Variants in LIMD1 observed in about 807,000 individuals in gnomAD.
LIMD1 encodes the protein LIM domain-containing protein 1.
A neutral mutation model predicts 58.4 loss-of-function variants in LIMD1; 23 were observed. The observed-to-expected ratio is 0.39, with a 90% CI of 0.28 to 0.56. LIMD1 has a LOEUF of 0.56. LIMD1 is among the 20% of genes least tolerant of loss of function. The pLI, the probability that LIMD1 is intolerant of heterozygous loss-of-function variation, is 0.57. For missense variants in LIMD1, 838 were observed against 855.5 expected, an observed-to-expected ratio of 0.98 and a Z score of 0.25; for synonymous variants, 334 against 345.5, an observed-to-expected ratio of 0.97 and a Z score of 0.37.
intron 4 of LIMD1, among the ~76,000 whole-genome samples, chr3:45,670,779 G>A (rs1307950444): frequency 1.3e-5 from 2 of 152,204 alleles, no homozygotes; most frequent in Non-Finnish European, 2.9e-5. Flanking sequence ...GGGATAGTAT[G>A]AAGTTGAAGC....
chr3:45,599,390 C>G lies in LIMD1; in HGVS notation c.1408+3103C>G, dbSNP rs374726909. 5.9e-5 allele frequency among the ~76,000 whole-genome samples: 9 copies of G among 152,266 alleles called. No individual in the cohort carries two copies. The East Asian group carries it at 1.5e-3, about 26-fold the overall frequency. On this transcript the variant is annotated intron_variant, in intron 1 of 7. Coordinates refer to ENST00000273317, the MANE Select transcript of LIMD1 (RefSeq NM_014240.3). ...GTGCATTCTGTCCCTATGGCATTTA[C>G]CTATTCTGGAATTTCATTTAGAAAC...
Position 45,594,873 on chromosome 3 carries a change from C to T in LIMD1, c.-7C>T. On this transcript the variant is annotated 5_prime_UTR_variant, in exon 1 of 8. Coordinates refer to ENST00000273317, the MANE Select transcript of LIMD1 (RefSeq NM_014240.3). The stretch of plus-strand genomic sequence containing the variant: ...ACCTGGGCTAGGCCCGGACACCTGT[C>T]TGCAGCATGGATAAGTATGACGACC... 1.9e-6 allele frequency: 3 copies of T among 1,599,156 alleles called. No individual in the cohort carries two copies. Among genetic ancestry groups the T allele is most frequent in the Non-Finnish European group, 2.6e-6 (3 of 1,173,330 alleles).
chr3:45,669,741 T>C (rs1697565746), intron 4 of LIMD1, among the ~76,000 whole-genome samples: 1 of 152,228 alleles, frequency 6.6e-6, no homozygotes, highest in African/African-American at 2.4e-5. Flanking sequence ...TTACCTGTAT[T>C]GGTAGTTTAT....
At chr3:45,600,994 G>T (rs1428831025) in intron 1 of LIMD1, among the ~76,000 whole-genome samples, 1 of 152,196 alleles carries the variant, frequency 6.6e-6, no homozygotes, top group Non-Finnish European at 1.5e-5. Flanking sequence ...AGCCCAGGAG[G>T]CTGAGGCTGC....
At chr3:45,668,832 A>AC (rs1201239656) in intron 4 of LIMD1, among the ~76,000 whole-genome samples, 1 of 151,914 alleles carries the variant, frequency 6.6e-6, no homozygotes, top group African/African-American at 2.4e-5. Context: ...ATTGGAATTA[A>AC]CATCTTTAAC....
In LIMD1 at chr3:45,595,305, G is replaced by C. The variant is rs756887459; in HGVS notation, c.426G>C (p.Arg142Ser). The C allele has an allele frequency of 1.1e-5, 18 of 1,613,316 alleles. No homozygotes were observed. Among genetic ancestry groups the C allele is most frequent in the Admixed American group, 1.7e-5 (1 of 60,018 alleles). Residue 142 changes from arginine (R) to serine (S), a missense_variant, in exon 1 of 8, where the codon AGG becomes AGC. By Grantham distance (110) the Arg-to-Ser change is moderately radical. Coordinates refer to ENST00000273317, the MANE Select transcript of LIMD1 (RefSeq NM_014240.3). Reference protein sequence around the residue: ...QRSRPYLHGTRHGSQDCGSRE... With the variant: ...QRSRPYLHGTSHGSQDCGSRE... ...CCAGGCCATACCTGCATGGCACGAG[G>C]CATGGCAGCCAGGACTGTGGTTCCA...
rs150389206 is a variant in LIMD1 at position 45,606,282 on chromosome 3, C to T, written c.1408+9995C>T. ...TGGCTGCTGAGTTGGAGATTTTGAC[C>T]ACTGTGTTGTGATGCCTCTTAGCTC... is the stretch of plus-strand genomic sequence containing the variant. On this transcript the variant is annotated intron_variant, in intron 1 of 7. Transcript: ENST00000273317. 1.4e-3 allele frequency among the ~76,000 whole-genome samples: 218 copies of T among 152,236 alleles called. 1 individual carries two copies. The highest frequency in any genetic ancestry group is 4.8e-3 in the African/African-American group (201 of 41,538).
chr3:45,601,124 TG>T (rs1414442829), intron 1 of LIMD1, among the ~76,000 whole-genome samples: 1 of 152,140 alleles, frequency 6.6e-6, no homozygotes, highest in Admixed American at 6.5e-5. Context: ...CTGGGTTTCC[TG>T]GGAAGCTGAC....
At chr3:45,610,390 A>C (rs1262674732) in intron 1 of LIMD1, among the ~76,000 whole-genome samples, 1 of 152,142 alleles carries the variant, frequency 6.6e-6, no homozygotes, top group African/African-American at 2.4e-5. Flanking sequence ...TACTCAGATG[A>C]GCGCTCTCAT....
At position 45,673,297 on chromosome 3, in the gene LIMD1, C is replaced by G. The variant is rs553791343; in HGVS notation, c.1773-157C>G. On this transcript the variant is annotated intron_variant, in intron 5 of 7. Coordinates refer to ENST00000273317, the MANE Select transcript of LIMD1 (RefSeq NM_014240.3). ...TGGGGAGCAAATACTAAGGCATATT[C>G]CACAAAGTGAGCCAGGTACCAGTCA... Among the ~76,000 whole-genome samples, 64 of 152,278 alleles carry G rather than the reference C, an allele frequency of 4.2e-4. No homozygotes were observed. The South Asian group carries it at 0.012, about 29-fold the overall frequency.
At position 45,604,006 on chromosome 3, in the gene LIMD1, G is replaced by C. The variant is rs184020264; in HGVS notation, c.1408+7719G>C. On this transcript the variant is annotated intron_variant, in intron 1 of 7. Transcript: ENST00000273317. ...GTACAGTCACCACCAAGTGTCCAAG[G>C]ATCAGCTGTCTGATTTCTGATAGCA... Among the ~76,000 whole-genome samples, 3 of 152,280 alleles carry C rather than the reference G, an allele frequency of 2.0e-5. No individual in the cohort carries two copies. In the East Asian group the frequency reaches 5.8e-4, roughly 29 times the overall value.
At chr3:45,629,199 G>A (rs1055158651) in intron 1 of LIMD1, among the ~76,000 whole-genome samples, 1 of 152,014 alleles carries the variant, frequency 6.6e-6, no homozygotes, top group African/African-American at 2.4e-5. Flanking sequence ...AGATCATGAG[G>A]TCAGGAGTTC....
intron 2 of LIMD1, among the ~76,000 whole-genome samples, chr3:45,662,141 C>T (rs910178320): frequency 3.3e-5 from 5 of 152,164 alleles, no homozygotes; most frequent in African/African-American, 1.2e-4. Context: ...GGTTTGTCTG[C>T]CTATTCTTTA....
intron 1 of LIMD1, among the ~76,000 whole-genome samples, chr3:45,603,419 C>T (rs950178242): frequency 1.3e-5 from 2 of 151,862 alleles, no homozygotes; most frequent in South Asian, 4.2e-4. Context: ...AGCTCAACAG[C>T]TGTGTGCCTC....
chr3:45,655,537 T>C (rs1007693740), intron 2 of LIMD1, among the ~76,000 whole-genome samples: 8 of 152,172 alleles, frequency 5.3e-5, no homozygotes, highest in Non-Finnish European at 8.8e-5. Context: ...GCCTGAGGCA[T>C]AGTCTGACTT....
At chr3:45,636,302 G>A in intron 2 of LIMD1, 51 bp downstream of exon 2, 2 of 1,341,876 alleles carry the variant, frequency 1.5e-6, no homozygotes, top group Non-Finnish European at 2.1e-6. Flanking sequence ...AAGGAACATG[G>A]GAACCGAGAA....
Position 45,661,316 on chromosome 3 carries a change from A to G in LIMD1, c.1511-4334A>G, listed in dbSNP as rs776140859. Among the ~76,000 whole-genome samples, 18 of 152,326 alleles carry G rather than the reference A, an allele frequency of 1.2e-4. No homozygotes were observed. The South Asian group carries it at 1.2e-3, about 11-fold the overall frequency. On this transcript the variant is annotated intron_variant, in intron 2 of 7. Transcript: ENST00000273317. ...TGAGTGTACACATAATTTTGTCATC[A>G]TATATGTGAGTGTGTTCATAACTGT...
chr3:45,632,750 G>A (rs1024154877), intron 1 of LIMD1, among the ~76,000 whole-genome samples: 4 of 152,216 alleles, frequency 2.6e-5, no homozygotes, highest in Non-Finnish European at 2.9e-5. Context: ...GCTGTGCCCA[G>A]TGGCAGATGC....
At position 45,681,039 on chromosome 3, in the gene LIMD1, GA is replaced by G. The variant is rs759905275; in HGVS notation, c.*3981del. 2.6e-5 allele frequency: 4 copies of G among 151,066 alleles called. No individual in the cohort carries two copies. In the East Asian group the frequency reaches 5.8e-4, roughly 22 times the overall value. 9.4% of individuals were successfully genotyped at this position (151,066 alleles called of 1,614,324 possible). A position where few individuals can be genotyped will look rare whatever the true frequency, so the allele number is the denominator to read the frequency against. The stretch of plus-strand genomic sequence containing the variant: ...AAAAAAAAAAAAGTAACAGAAAAAA[GA>G]GTGAAATATATTAGCTATCTTTTAT... On this transcript the variant is annotated 3_prime_UTR_variant, in exon 8 of 8. Transcript: ENST00000273317.
Sources: allele counts gnomAD v4.1 joint callset (sites outside exome capture counted in the v4.1 genomes callset), GRCh38; gene constraint gnomAD v4.1.1; transcripts MANE v1.5; gene names NCBI Gene and HGNC (gene_info 2026-07-23, HGNC 2026-07-21).